MTNR1A: variants seen among roughly 807,000 people sequenced by gnomAD.
The protein encoded by MTNR1A is melatonin receptor type 1A.
A neutral mutation model predicts 5.5 loss-of-function variants in MTNR1A; 7 were observed. The observed-to-expected ratio is 1.28, with a 90% CI of 0.73 to 2.40. The LOEUF is 2.40. MTNR1A is among the 30% of genes most tolerant of loss of function. MTNR1A has a pLI of 0.00. For synonymous variants in MTNR1A, 196 were observed against 202.7 expected, an observed-to-expected ratio of 0.97 and a Z score of 0.28; for missense variants, 441 against 464.4, an observed-to-expected ratio of 0.95 and a Z score of 0.46.
chr4:186,533,812 T>A lies in MTNR1A; in HGVS notation c.930A>T (p.Ile310=). Residue 310 remains isoleucine, a synonymous_variant, in exon 2 of 2, where the codon ATA becomes ATT. Transcript: ENST00000307161. The part of the protein sequence containing the change: ...QNFRKEYRRI[I]VSLCTARVFF... ...ACACCCTGGCTGTACAGAGCGAGAC[T>A]ATAATTCTCCTGTATTCCTTCCTGA... 6.2e-7 allele frequency: 1 copy of A among 1,614,210 alleles called. No homozygotes were observed.
intron 1 of MTNR1A, among the ~76,000 whole-genome samples, chr4:186,554,235 G>A (rs1737324097): frequency 6.6e-6 from 1 of 152,020 alleles, no homozygotes. Flanking sequence ...TACTGGGGGC[G>A]GGTGGGGGAG....
chr4:186,547,607 CCT>C (rs1025230861), intron 1 of MTNR1A, among the ~76,000 whole-genome samples: 2 of 152,116 alleles, frequency 1.3e-5, no homozygotes, highest in Admixed American at 1.3e-4. Context: ...CTGGCTCATT[CCT>C]CTCTCTCTCT....
At chr4:186,554,655 C>T (rs1430223100) in intron 1 of MTNR1A, among the ~76,000 whole-genome samples, 1 of 152,234 alleles carries the variant, frequency 6.6e-6, no homozygotes, top group Non-Finnish European at 1.5e-5. Context: ...AACTTGTTTA[C>T]TTGGAGGAGC....
At chr4:186,541,666 T>C (rs1260261631) in intron 1 of MTNR1A, among the ~76,000 whole-genome samples, 2 of 152,188 alleles carry the variant, frequency 1.3e-5, no homozygotes, top group African/African-American at 2.4e-5. Context: ...CACATTCTCA[T>C]AGGAGTGCAA....
chr4:186,551,140 G>A (rs1369499759), intron 1 of MTNR1A, among the ~76,000 whole-genome samples: 1 of 152,148 alleles, frequency 6.6e-6, no homozygotes, highest in African/African-American at 2.4e-5. Context: ...TACAAGTTAC[G>A]TCGTAGGTTT....
chr4:186,543,334 C>A (rs1737069815), intron 1 of MTNR1A, among the ~76,000 whole-genome samples: 1 of 152,152 alleles, frequency 6.6e-6, no homozygotes, highest in Non-Finnish European at 1.5e-5. Flanking sequence ...AATGGGAAAC[C>A]AAAATAACCC....
chr4:186,537,211 A>G (rs980389208), intron 1 of MTNR1A, among the ~76,000 whole-genome samples: 1 of 152,222 alleles, frequency 6.6e-6, no homozygotes, highest in Non-Finnish European at 1.5e-5. Context: ...TGCGGCTGTC[A>G]GGTAGCTCAC....
At chr4:186,552,666 T>TAA in intron 1 of MTNR1A, among the ~76,000 whole-genome samples, 1 of 152,210 alleles carries the variant, frequency 6.6e-6, no homozygotes. Flanking sequence ...AACACTCTTA[T>TAA]GAGGCTAAGC....
At chr4:186,550,555 T>C (rs915292783) in intron 1 of MTNR1A, among the ~76,000 whole-genome samples, 1 of 152,214 alleles carries the variant, frequency 6.6e-6, no homozygotes, top group Admixed American at 6.5e-5. Context: ...CAAGGCATGA[T>C]AGTTTTCAGT....
At chr4:186,549,983 A>G (rs1017099502) in intron 1 of MTNR1A, among the ~76,000 whole-genome samples, 1 of 152,208 alleles carries the variant, frequency 6.6e-6, no homozygotes, top group African/African-American at 2.4e-5. Context: ...AGCACCGTGC[A>G]AATGCATTTT....
At chr4:186,548,403 T>C (rs1479073249) in intron 1 of MTNR1A, among the ~76,000 whole-genome samples, 1 of 152,168 alleles carries the variant, frequency 6.6e-6, no homozygotes, top group African/African-American at 2.4e-5. Flanking sequence ...AAACTTTGAC[T>C]CTATTTTTAT....
chr4:186,552,664 T>TA, intron 1 of MTNR1A, among the ~76,000 whole-genome samples: 1 of 152,162 alleles, frequency 6.6e-6, no homozygotes. Flanking sequence ...GCAACACTCT[T>TA]ATGAGGCTAA....
intron 1 of MTNR1A, among the ~76,000 whole-genome samples, chr4:186,552,634 G>A (rs959070132): frequency 3.9e-5 from 6 of 152,088 alleles, no homozygotes; most frequent in African/African-American, 1.2e-4. Flanking sequence ...TCTCATATGC[G>A]CCACTTCACT....
intron 1 of MTNR1A, among the ~76,000 whole-genome samples, chr4:186,535,400 C>T (rs935825298): frequency 2.8e-5 from 4 of 143,910 alleles, no homozygotes; most frequent in African/African-American, 1.0e-4. Flanking sequence ...AAAAAAAAAA[C>T]TCTAGTCACT....
rs1216415725 is a variant in MTNR1A at position 186,533,835 on chromosome 4, T to C, written c.907A>G (p.Arg303Gly). Residue 303 changes from arginine to glycine, a missense_variant, in exon 2 of 2, where the codon AGG becomes GGG. By Grantham distance (125) the Arg-to-Gly change is moderately radical. Transcript: ENST00000307161. The stretch of plus-strand genomic sequence containing the variant: ...ACTATAATTCTCCTGTATTCCTTCC[T>C]GAAATTTTGGTTCAGTAGCCCGTAT... ...IIYGLLNQNF[R>G]KEYRRIIVSL... 5.0e-6 allele frequency: 8 copies of C among 1,614,048 alleles called. No homozygotes were observed. Among genetic ancestry groups the C allele is most frequent in the Non-Finnish European group, 6.8e-6 (8 of 1,180,038 alleles).
At position 186,534,241 on chromosome 4, in the gene MTNR1A, A is replaced by G. The variant is rs1329956651; in HGVS notation, c.501T>C (p.Thr167=). The G allele has an allele frequency of 6.2e-7, 1 of 1,614,166 alleles. No individual in the cohort carries two copies. Among genetic ancestry groups the G allele is most frequent in the Non-Finnish European group, 8.5e-7 (1 of 1,180,036 alleles). The change falls in exon 2 of 2, where the codon ACT becomes ACC. Residue 167 remains threonine (T), a synonymous_variant. Coordinates refer to ENST00000307161, the MANE Select transcript of MTNR1A (RefSeq NM_005958.4). ...AGTAGATCCTCGGGTCGTACTGGAGAGTCCCTGCACGGAGGTTGGGCAGGA... is the reference window on the plus strand; with the variant it reads ...AGTAGATCCTCGGGTCGTACTGGAGGGTCCCTGCACGGAGGTTGGGCAGGA... The part of the protein sequence containing the change: ...AAVLPNLRAG[T]LQYDPRIYSC...
intron 1 of MTNR1A, among the ~76,000 whole-genome samples, chr4:186,538,787 AG>A (rs2111371388): frequency 6.6e-6 from 1 of 152,368 alleles, no homozygotes; most frequent in Non-Finnish European, 1.5e-5. Flanking sequence ...GAGAACCTTC[AG>A]GATGGTTTCT....
intron 1 of MTNR1A, among the ~76,000 whole-genome samples, chr4:186,554,173 T>C (rs900813574): frequency 6.6e-6 from 1 of 151,644 alleles, no homozygotes; most frequent in Non-Finnish European, 1.5e-5. Context: ...ACTCAATTCA[T>C]ATTACTAAGT....
chr4:186,552,226 T>C (rs1369438969), intron 1 of MTNR1A, among the ~76,000 whole-genome samples: 1 of 152,238 alleles, frequency 6.6e-6, no homozygotes, highest in Non-Finnish European at 1.5e-5. Context: ...CTTGCTATTA[T>C]GTGCTATTTC....
Sources: allele counts gnomAD v4.1 joint callset (sites outside exome capture counted in the v4.1 genomes callset), GRCh38; gene constraint gnomAD v4.1.1; transcripts MANE v1.5; gene names NCBI Gene and HGNC (gene_info 2026-07-23, HGNC 2026-07-21).